ASH1L: variants seen among roughly 807,000 people sequenced by gnomAD.
The protein encoded by ASH1L is ASH1 like histone lysine methyltransferase, also known as histone-lysine N-methyltransferase ASH1L.
ASH1L carries 23 observed loss-of-function variants against 269.0 expected under a neutral mutation model. The ratio of observed to expected loss-of-function variants is 0.09; its 90% confidence interval spans 0.06 to 0.12. The LOEUF is 0.12. Ranked by LOEUF, ASH1L falls within the 10% of genes least tolerant of loss-of-function variation. ASH1L has a pLI of 1.00. For synonymous variants in ASH1L, 1,187 were observed against 1,253.5 expected, an observed-to-expected ratio of 0.95 and a Z score of 1.12; for missense variants, 2,912 against 3,567.8, an observed-to-expected ratio of 0.82 and a Z score of 4.68.
chr1:155,510,854 T>C (rs574328188), intron 2 of ASH1L, among the ~76,000 whole-genome samples: 1 of 152,172 alleles, frequency 6.6e-6, no homozygotes, highest in Non-Finnish European at 1.5e-5. Flanking sequence ...GAAGCCACAG[T>C]AAACATATAC....
rs747704331 is a variant in ASH1L, at chr1:155,349,385, T to G, written c.7496A>C (p.Tyr2499Ser). 1 of 1,614,016 alleles carries G rather than the reference T, an allele frequency of 6.2e-7. No individual in the cohort carries two copies. Among genetic ancestry groups the G allele is most frequent in the South Asian group, 1.1e-5 (1 of 91,084 alleles). The change falls in exon 19 of 28, where the codon TAC (tyrosine) becomes TCC (serine). Residue 2499 changes from tyrosine to serine, a missense_variant. Coordinates refer to ENST00000392403, the MANE Select transcript of ASH1L (RefSeq NM_018489.3). ...ITIEKQILTG[Y>S]YKTVEAFDAD... ...ATCAAAAGCTTCCACTGTCTTATAG[T>G]AACCAGTGAGGATCTGCTTCTCTAT... is the stretch of plus-strand genomic sequence containing the variant.
Position 155,480,436 on chromosome 1 carries a change from T to C in ASH1L, c.2434A>G (p.Ser812Gly), listed in dbSNP as rs1665868937. ...KSFATHKLSS[S>G]MCVSSDLLSD... is the part of the protein sequence containing the mutation. ...AAAAGGTCACTAGAGACACACATAC[T>C]GGAGGATAGTTTGTGAGTAGCAAAA... is the stretch of plus-strand genomic sequence containing the variant. The change falls in exon 3 of 28, where the codon AGT becomes GGT. Residue 812 changes from serine to glycine, a missense_variant. Transcript: ENST00000392403. 2 of 1,614,088 alleles carry C rather than the reference T, an allele frequency of 1.2e-6. No homozygotes were observed. Among genetic ancestry groups the C allele is most frequent in the Non-Finnish European group, 1.7e-6 (2 of 1,179,964 alleles).
chr1:155,438,644 C>A lies in ASH1L; in HGVS notation c.5511G>T (p.Arg1837Ser). The A allele has an allele frequency of 6.2e-7, 1 of 1,614,166 alleles. No individual in the cohort carries two copies. The highest frequency in any genetic ancestry group is 8.5e-7 in the Non-Finnish European group (1 of 1,180,034). The change falls in exon 5 of 28, where the codon AGG becomes AGT. Residue 1837 changes from arginine to serine, a missense_variant. By Grantham distance (110) the Arg-to-Ser change is moderately radical. Coordinates refer to ENST00000392403, the MANE Select transcript of ASH1L (RefSeq NM_018489.3). ...NKILKAKKLQ[R>S]QARTGNNFVK... ...CAAAGTTATTCCCTGTCCTGGCCTG[C>A]CTTTGAAGTTTTTTGGCTTTTAAGA...
At chr1:155,397,840 C>T (rs924155843) in intron 6 of ASH1L, among the ~76,000 whole-genome samples, 3 of 152,096 alleles carry the variant, frequency 2.0e-5, no homozygotes, top group African/African-American at 7.2e-5. Flanking sequence ...GGATTACAGG[C>T]GTGAGCCACG....
At chr1:155,483,859 T>C (rs1666124497) in intron 2 of ASH1L, among the ~76,000 whole-genome samples, 1 of 152,044 alleles carries the variant, frequency 6.6e-6, no homozygotes, top group African/African-American at 2.4e-5. Flanking sequence ...AATATAGTGC[T>C]ATGGAGTGAT....
rs1652675443 is a variant in ASH1L at position 155,340,306 on chromosome 1, C to CCAG, written c.8461-939_8461-938insCTG. ...CAAGCGATTCTTCTGCCTCAGCCTCCTGAGTAACTGGGATTACAGGTGCAT... is the reference window on the plus strand; with the variant it reads ...CAAGCGATTCTTCTGCCTCAGCCTCCCAGTGAGTAACTGGGATTACAGGTGCAT... On this transcript the variant is annotated intron_variant, in intron 25 of 27. Transcript: ENST00000392403. 2.6e-5 allele frequency among the ~76,000 whole-genome samples: 4 copies of CCAG among 152,218 alleles called. No homozygotes were observed. In the South Asian group the frequency reaches 8.3e-4, roughly 32 times the overall value.
chr1:155,454,077 C>T (rs773428237), intron 4 of ASH1L, among the ~76,000 whole-genome samples: 1 of 152,252 alleles, frequency 6.6e-6, no homozygotes, highest in Non-Finnish European at 1.5e-5. Flanking sequence ...TGCACTCCAG[C>T]CTGAGCGACG....
Position 155,438,925 on chromosome 1 carries a change from G to A in ASH1L, c.5230C>T (p.Pro1744Ser). 1.2e-6 allele frequency: 2 copies of A among 1,614,186 alleles called. No homozygotes were observed. The highest frequency in any genetic ancestry group is 1.7e-6 in the Non-Finnish European group (2 of 1,180,040). Residue 1744 changes from proline to serine, a missense_variant, in exon 5 of 28, where the codon CCA (proline) becomes TCA (serine). Physicochemically the swap from Pro to Ser is moderately conservative, Grantham distance 74 (BLOSUM62 -1). Around this residue, in one of 13 missense-constraint regions of ASH1L, gnomAD observed 789 missense variants for 897.6 expected, o/e 0.88. Coordinates refer to ENST00000392403, the MANE Select transcript of ASH1L (RefSeq NM_018489.3). ...CTACGGCCTGGACTGGAAGAAGGTG[G>A]TGCAGAGGCAGTTGCAATCACAGCA... ...IDAVIATASA[P>S]PSSSPGRSHS...
At chr1:155,443,569 CTG>C (rs1415266203) in intron 4 of ASH1L, among the ~76,000 whole-genome samples, 2 of 152,112 alleles carry the variant, frequency 1.3e-5, no homozygotes, top group African/African-American at 2.4e-5. Flanking sequence ...TAAAAAGTTA[CTG>C]TGTGTCCTTT....
chr1:155,366,895 C>T (rs1181289465), intron 12 of ASH1L, among the ~76,000 whole-genome samples: 1 of 151,584 alleles, frequency 6.6e-6, no homozygotes, highest in African/African-American at 2.4e-5. Flanking sequence ...AGGGTGGTCT[C>T]GAACTCCTGA....
intron 2 of ASH1L, among the ~76,000 whole-genome samples, chr1:155,488,036 G>A (rs901465921): frequency 1.3e-5 from 2 of 151,882 alleles, no homozygotes; most frequent in South Asian, 2.1e-4. Flanking sequence ...ACAGGAGCCC[G>A]CCAGCAGGCC....
At chr1:155,489,994 AGTCTCGCTCTGTTGCCC>A (rs1558160884) in intron 2 of ASH1L, among the ~76,000 whole-genome samples, 1 of 149,664 alleles carries the variant, frequency 6.7e-6, no homozygotes, top group Non-Finnish European at 1.5e-5. Context: ...TTTGAGACGG[AGTCTCGCTCTGTTGCCC>A]AGGGTGGAGT....
At chr1:155,452,381 ATTT>A (rs976376306) in intron 4 of ASH1L, among the ~76,000 whole-genome samples, 1 of 151,970 alleles carries the variant, frequency 6.6e-6, no homozygotes, top group African/African-American at 2.4e-5. Flanking sequence ...ATTAAAAAAA[ATTT>A]TTGTTTTTTC....
intron 2 of ASH1L, chr1:155,520,142 A>C (rs565850500): frequency 9.2e-5 from 14 of 152,064 alleles, no homozygotes; most frequent in African/African-American, 2.9e-4. Context: ...ACCTGAAGTC[A>C]GGAGTTCGAG....
chr1:155,449,067 G>A (rs750472091), intron 4 of ASH1L, among the ~76,000 whole-genome samples: 4 of 151,810 alleles, frequency 2.6e-5, no homozygotes, highest in African/African-American at 4.8e-5. Flanking sequence ...CCAAGCAGCC[G>A]GGACTACAGG....
At chr1:155,541,077 T>C (rs374214484) in intron 1 of ASH1L, among the ~76,000 whole-genome samples, 1 of 152,210 alleles carries the variant, frequency 6.6e-6, no homozygotes, top group African/African-American at 2.4e-5. Context: ...TATAAGTCTC[T>C]TAATATGCAT....
rs575192862 is a variant in ASH1L, at chr1:155,434,167, C to T, written c.5828+4160G>A. 10 of 1,594,210 alleles carry T rather than the reference C, an allele frequency of 6.3e-6. No individual in the cohort carries two copies. In the East Asian group the frequency reaches 2.3e-4, roughly 36 times the overall value. Reference sequence around the variant, plus strand: ...GTACCCCAGGCTATGGGAGCCCTCACTTCACTGCACTGTACTCCTCGGTCC... The same window carrying T: ...GTACCCCAGGCTATGGGAGCCCTCATTTCACTGCACTGTACTCCTCGGTCC... On this transcript the variant is annotated intron_variant, in intron 5 of 27. Coordinates refer to ENST00000392403, the MANE Select transcript of ASH1L (RefSeq NM_018489.3).
chr1:155,473,993 T>G (rs1665332782), intron 3 of ASH1L, among the ~76,000 whole-genome samples: 1 of 152,092 alleles, frequency 6.6e-6, no homozygotes, highest in Non-Finnish European at 1.5e-5. Flanking sequence ...ATACCAGCAC[T>G]GCTGGCTAAT....
intron 1 of ASH1L, among the ~76,000 whole-genome samples, chr1:155,552,326 C>T (rs1671274918): frequency 6.6e-6 from 1 of 152,064 alleles, no homozygotes; most frequent in Non-Finnish European, 1.5e-5. Context: ...ATTAGCCGAG[C>T]GTGGTGGCGC....
Sources: allele counts gnomAD v4.1 joint callset (sites outside exome capture counted in the v4.1 genomes callset), GRCh38; gene constraint gnomAD v4.1.1; regional missense constraint gnomAD v4.1.1; transcripts MANE v1.5; gene names NCBI Gene and HGNC (gene_info 2026-07-23, HGNC 2026-07-21).